The following PRKN variants were observed in gnomAD, a reference collection of about 807,000 sequenced individuals.
The protein encoded by PRKN is parkin RBR E3 ubiquitin protein ligase, also known as E3 ubiquitin-protein ligase parkin.
Under a neutral mutation model 59.5 loss-of-function variants are expected in PRKN, and 56 were observed. The ratio of observed to expected loss-of-function variants is 0.94; its 90% CI spans 0.76 to 1.18. The LOEUF (loss-of-function observed/expected upper bound fraction) is 1.18, where lower values mean the gene tolerates loss of function less well. PRKN is among the 50% of genes most tolerant of loss of function. The probability of loss-of-function intolerance (pLI) is 0.00; values close to 1 mark genes in which losing one functional copy is unlikely to be tolerated. For missense variants in PRKN, 657 were observed against 596.4 expected, an observed-to-expected ratio of 1.10 and a Z score of -1.06; for synonymous variants, 250 against 222.1, an observed-to-expected ratio of 1.13 and a Z score of -1.12.
At chr6:162,128,133 G>A (rs987733090) in intron 4 of PRKN, among the ~76,000 whole-genome samples, 6 of 152,132 alleles carry the variant, frequency 3.9e-5, no homozygotes, top group Admixed American at 3.9e-4. Flanking sequence ...ACTACTGAAT[G>A]TCTTCAGTGC....
intron 7 of PRKN, among the ~76,000 whole-genome samples, chr6:161,596,963 G>A (rs1562549793): frequency 6.6e-6 from 1 of 152,208 alleles, no homozygotes. Flanking sequence ...TACAGTGACT[G>A]TATTAGGAGT....
chr6:162,717,076 AC>A (rs769607476), intron 1 of PRKN, among the ~76,000 whole-genome samples: 16 of 152,096 alleles, frequency 1.1e-4, no homozygotes, highest in Non-Finnish European at 2.4e-4. Flanking sequence ...CCTGAATGTA[AC>A]CCCATGTGTT....
chr6:161,811,800 G>T (rs1477221242), intron 6 of PRKN, among the ~76,000 whole-genome samples: 1 of 152,008 alleles, frequency 6.6e-6, no homozygotes, highest in Non-Finnish European at 1.5e-5. Context: ...GCATGCACCT[G>T]TAGTCCCGCT....
rs561518281 is a variant in PRKN at position 162,081,769 on chromosome 6, T to C, written c.535-27595A>G. ...CATTAAAGCCAGGTATTGACTTCTC[T>C]CTAGCTAAGAAAGTCCTAGATAGCA... On this transcript the variant is annotated intron_variant, in intron 4 of 11. Coordinates refer to ENST00000366898, the MANE Select transcript of PRKN (RefSeq NM_004562.3). 2.0e-5 allele frequency among the ~76,000 whole-genome samples: 3 copies of C among 152,216 alleles called. No individual in the cohort carries two copies. In the East Asian group the frequency reaches 5.8e-4, roughly 29 times the overall value.
intron 7 of PRKN, among the ~76,000 whole-genome samples, chr6:161,725,135 A>G (rs1787388812): frequency 6.6e-6 from 1 of 152,236 alleles, no homozygotes; most frequent in Non-Finnish European, 1.5e-5. Context: ...CCATGAGCCA[A>G]TGAAACCTCT....
intron 7 of PRKN, among the ~76,000 whole-genome samples, chr6:161,756,075 CA>C (rs943703325): frequency 2.6e-5 from 4 of 151,142 alleles, no homozygotes; most frequent in African/African-American, 4.9e-5. Flanking sequence ...GGCAAAGCAG[CA>C]AAAAAAAGCT....
intron 2 of PRKN, among the ~76,000 whole-genome samples, chr6:162,425,085 C>T (rs1359028843): frequency 1.3e-5 from 2 of 151,832 alleles, no homozygotes; most frequent in Non-Finnish European, 2.9e-5. Context: ...ATCTACCCAT[C>T]AGAACAGGTA....
intron 7 of PRKN, among the ~76,000 whole-genome samples, chr6:161,675,263 C>A (rs932549427): frequency 1.3e-5 from 2 of 152,174 alleles, no homozygotes; most frequent in East Asian, 3.9e-4. Flanking sequence ...AAATGTACAA[C>A]AGATTCCCTC....
intron 1 of PRKN, among the ~76,000 whole-genome samples, chr6:162,498,433 C>CTTTTTTTTTT (rs1414106751): frequency 6.1e-5 from 1 of 16,380 alleles, no homozygotes. Context: ...AGTTTCTTTC[C>CTTTTTTTTTT]TTTTTCTTTT....
At chr6:162,543,183 G>C (rs538843947) in intron 1 of PRKN, among the ~76,000 whole-genome samples, 3 of 152,244 alleles carry the variant, frequency 2.0e-5, no homozygotes, top group African/African-American at 7.2e-5. Flanking sequence ...GAAAACTCTA[G>C]TTTTTCTGTG....
chr6:162,509,730 TAA>T (rs766214496), intron 1 of PRKN, among the ~76,000 whole-genome samples: 1 of 152,214 alleles, frequency 6.6e-6, no homozygotes, highest in African/African-American at 2.4e-5. Context: ...CACTGCTGTA[TAA>T]AAAAGTCATT....
At chr6:162,174,673 G>T (rs893872760) in intron 4 of PRKN, among the ~76,000 whole-genome samples, 1 of 152,004 alleles carries the variant, frequency 6.6e-6, no homozygotes, top group Admixed American at 6.6e-5. Flanking sequence ...CTTGTTCAAG[G>T]CATGTTTCTT....
At chr6:162,236,616 T>A (rs1778732620) in intron 3 of PRKN, among the ~76,000 whole-genome samples, 2 of 130,300 alleles carry the variant, frequency 1.5e-5, no homozygotes, top group South Asian at 4.9e-4. Flanking sequence ...TGAAACTCCA[T>A]CTCTACTAAA....
At chr6:162,580,330 T>C (rs1780739717) in intron 1 of PRKN, among the ~76,000 whole-genome samples, 4 of 151,460 alleles carry the variant, frequency 2.6e-5, no homozygotes, top group Admixed American at 2.0e-4. Flanking sequence ...CCCGGCTACT[T>C]GGAAGGCTGA....
chr6:161,542,834 G>A (rs1360199357), intron 9 of PRKN, among the ~76,000 whole-genome samples: 1 of 152,050 alleles, frequency 6.6e-6, no homozygotes, highest in Non-Finnish European at 1.5e-5. Context: ...AGAAACACCT[G>A]TTCTTTCTGA....
At chr6:162,633,788 T>G (rs1173169043) in intron 1 of PRKN, among the ~76,000 whole-genome samples, 1 of 151,934 alleles carries the variant, frequency 6.6e-6, no homozygotes, top group African/African-American at 2.4e-5. Flanking sequence ...GATGGCAGGA[T>G]GAAGCGAGGG....
intron 6 of PRKN, among the ~76,000 whole-genome samples, chr6:161,892,392 TC>T (rs2128232382): frequency 6.9e-6 from 1 of 145,398 alleles, no homozygotes; most frequent in Admixed American, 6.9e-5. Flanking sequence ...ACAGCTAGAC[TC>T]CACCTCAACC....
intron 9 of PRKN, among the ~76,000 whole-genome samples, chr6:161,505,119 G>C (rs946190800): frequency 3.3e-5 from 5 of 152,072 alleles, no homozygotes; most frequent in Non-Finnish European, 5.9e-5. Flanking sequence ...CACAATGGTC[G>C]AACTAGTTTA....
At position 162,485,922 on chromosome 6, in the gene PRKN, G is replaced by A. The variant is rs566490494; in HGVS notation, c.8-42449C>T. Among the ~76,000 whole-genome samples, 6 of 152,268 alleles carry A rather than the reference G, an allele frequency of 3.9e-5. No homozygotes were observed. In the South Asian group the frequency reaches 8.3e-4, roughly 21 times the overall value. On this transcript the variant is annotated intron_variant, in intron 1 of 11. Coordinates refer to ENST00000366898, the MANE Select transcript of PRKN (RefSeq NM_004562.3). ...TCCTAAAGAACCATAATCTTCTATC[G>A]CATATGCAAAGCCTGTTTTACGTCA...
Sources: allele counts gnomAD v4.1 joint callset (sites outside exome capture counted in the v4.1 genomes callset), GRCh38; gene constraint gnomAD v4.1.1; transcripts MANE v1.5; gene names NCBI Gene and HGNC (gene_info 2026-07-23, HGNC 2026-07-21).